The following TSPAN18 variants were observed in gnomAD, a reference collection of about 807,000 sequenced individuals.
TSPAN18 encodes tetraspanin-18.
In TSPAN18, 14 loss-of-function variants were observed where a neutral mutation model predicts 27.3. The observed-to-expected ratio is 0.51, with a 90% CI of 0.34 to 0.80. The LOEUF (loss-of-function observed/expected upper bound fraction) is 0.80. Ranked by LOEUF, TSPAN18 falls within the 30% of genes least tolerant of loss-of-function variation. The pLI, the probability that TSPAN18 is intolerant of heterozygous loss-of-function variation, is 0.01. For synonymous variants in TSPAN18, 143 were observed against 136.5 expected (o/e 1.05, Z -0.33); for missense variants, 268 against 323.9 (o/e 0.83, Z 1.32).
At chr11:44,805,187 C>CG (rs1856566079) in intron 2 of TSPAN18, among the ~76,000 whole-genome samples, 1 of 152,082 alleles carries the variant, frequency 6.6e-6, no homozygotes, top group Non-Finnish European at 1.5e-5. Flanking sequence ...TTCATAAAGA[C>CG]AAATCAATGC....
chr11:44,783,752 G>A (rs1032372323), intron 2 of TSPAN18, among the ~76,000 whole-genome samples: 2 of 152,168 alleles, frequency 1.3e-5, no homozygotes, highest in Non-Finnish European at 2.9e-5. Context: ...GACCCTGTGT[G>A]GTCCTACAAA....
At chr11:44,836,802 T>A (rs1857273444) in intron 2 of TSPAN18, among the ~76,000 whole-genome samples, 1 of 152,238 alleles carries the variant, frequency 6.6e-6, no homozygotes, top group Admixed American at 6.5e-5. Context: ...TCCACTCTGC[T>A]TGTGCTCTGT....
intron 2 of TSPAN18, among the ~76,000 whole-genome samples, chr11:44,778,797 G>A (rs543763927): frequency 2.0e-5 from 3 of 152,176 alleles, no homozygotes; most frequent in East Asian, 3.9e-4. Flanking sequence ...GGCAGTCTGT[G>A]GTTCTTAGAA....
chr11:44,728,054 T>C (rs796218385), intron 1 of TSPAN18, among the ~76,000 whole-genome samples: 9 of 152,344 alleles, frequency 5.9e-5, no homozygotes, highest in African/African-American at 2.2e-4. Flanking sequence ...GGAAGCGCGT[T>C]CTGGCTCCTG....
At chr11:44,894,681 C>T (rs900575828) in intron 3 of TSPAN18, among the ~76,000 whole-genome samples, 7 of 152,218 alleles carry the variant, frequency 4.6e-5, no homozygotes, top group African/African-American at 1.7e-4. Context: ...ATCTCTGTGC[C>T]TTTCTGGGCC....
chr11:44,810,604 C>CTTTTTTTTTTTT (rs34519569), intron 2 of TSPAN18, among the ~76,000 whole-genome samples: 2 of 138,480 alleles, frequency 1.4e-5, no homozygotes, highest in Non-Finnish European at 3.1e-5. Flanking sequence ...AATTTTTTTT[C>CTTTTTTTTTTTT]TTTTTTTTTT....
intron 1 of TSPAN18, among the ~76,000 whole-genome samples, chr11:44,741,318 A>T (rs980182446): frequency 6.6e-6 from 1 of 152,106 alleles, no homozygotes; most frequent in African/African-American, 2.4e-5. Context: ...TGGCTGCACA[A>T]TGAGCTCAAA....
At chr11:44,768,579 G>A (rs1309421332) in intron 2 of TSPAN18, among the ~76,000 whole-genome samples, 1 of 151,698 alleles carries the variant, frequency 6.6e-6, no homozygotes, top group Non-Finnish European at 1.5e-5. Flanking sequence ...TTCTCAATCT[G>A]TATGCCTTTT....
chr11:44,752,039 A>G (rs532791780), intron 1 of TSPAN18, among the ~76,000 whole-genome samples: 42 of 152,286 alleles, frequency 2.8e-4, no homozygotes, highest in Admixed American at 1.5e-3. Context: ...GTTGTTAAGT[A>G]AAATATATGA....
At chr11:44,740,506 C>T (rs1268409146) in intron 1 of TSPAN18, among the ~76,000 whole-genome samples, 1 of 152,188 alleles carries the variant, frequency 6.6e-6, no homozygotes, top group Non-Finnish European at 1.5e-5. Context: ...GACTGGGCCA[C>T]AGGTGGGAGA....
intron 4 of TSPAN18, 163 bp from the exon 5 acceptor site, chr11:44,909,542 C>A (rs1859628697): frequency 3.2e-6 from 2 of 624,536 alleles, no homozygotes; most frequent in South Asian, 2.2e-5. Flanking sequence ...ATTCAAGGTG[C>A]GGCTGGGACT....
intron 8 of TSPAN18, among the ~76,000 whole-genome samples, chr11:44,922,137 G>A (rs1284888041): frequency 9.3e-6 from 1 of 107,836 alleles, no homozygotes; most frequent in African/African-American, 6.1e-5. Context: ...TTTTTTTTGA[G>A]ACTGAGTCTC....
intron 3 of TSPAN18, among the ~76,000 whole-genome samples, chr11:44,875,421 G>T (rs1255679138): frequency 2.0e-5 from 3 of 152,220 alleles, no homozygotes; most frequent in Non-Finnish European, 4.4e-5. Context: ...GGCTTCGGAG[G>T]CTAGGGGCTG....
intron 2 of TSPAN18, among the ~76,000 whole-genome samples, chr11:44,820,007 G>T (rs1017738334): frequency 2.6e-5 from 4 of 152,124 alleles, no homozygotes; most frequent in Admixed American, 2.0e-4. Context: ...ACTAGCGCCG[G>T]CCAAGGAGGG....
rs145946417 is a variant in TSPAN18, at chr11:44,772,298, A to G, written c.-153+7786A>G. ...ATTTTTGTATACTTGCTTCCTCTAT[A>G]CAACAAAATTATTTTCAATAATAAT... On this transcript the variant is annotated intron_variant, in intron 2 of 9. Transcript: ENST00000520358. Among the ~76,000 whole-genome samples, 275 of 152,308 alleles carry G rather than the reference A, an allele frequency of 1.8e-3. 1 individual carries two copies. The highest frequency in any genetic ancestry group is 3.7e-3 in the South Asian group (18 of 4,822).
At chr11:44,833,736 G>A (rs1411004459) in intron 2 of TSPAN18, among the ~76,000 whole-genome samples, 1 of 152,036 alleles carries the variant, frequency 6.6e-6, no homozygotes, top group East Asian at 1.9e-4. Flanking sequence ...GCCGGCAACT[G>A]CAGCCTGTAT....
rs537156911 is a variant in TSPAN18 at position 44,856,041 on chromosome 11, G to A, written c.-152-4287G>A. Among the ~76,000 whole-genome samples, 8 of 151,730 alleles carry A rather than the reference G, an allele frequency of 5.3e-5. No homozygotes were observed. In the East Asian group the frequency reaches 1.4e-3, roughly 26 times the overall value. ...GGGACTACCAGTTGTGTACCACCAC[G>A]CCTGGCTAATTTTTTGTATTTTTAG... On this transcript the variant is annotated intron_variant, in intron 2 of 9. Transcript: ENST00000520358.
chr11:44,891,544 G>A (rs1421165843), intron 3 of TSPAN18, among the ~76,000 whole-genome samples: 3 of 152,220 alleles, frequency 2.0e-5, no homozygotes, highest in Non-Finnish European at 1.5e-5. Context: ...CCTTCAGGGA[G>A]GCAACCTGGA....
Position 44,919,885 on chromosome 11 carries a change from G to A in TSPAN18, c.501G>A (p.Leu167=). ...CATCTGTGTTTCGACTCCTGACCCT[G>A]GATAGTGAAGAGGTGCCGGAGGCCT... is the stretch of plus-strand genomic sequence containing the variant. ...KFASVFRLLT[L]DSEEVPEACC... Residue 167 remains leucine (L), a synonymous_variant, in exon 8 of 10, where the codon CTG becomes CTA. Coordinates refer to ENST00000520358, the MANE Select transcript of TSPAN18 (RefSeq NM_130783.5). 1 of 1,614,230 alleles carries A rather than the reference G, an allele frequency of 6.2e-7. No individual in the cohort carries two copies. Among genetic ancestry groups the A allele is most frequent in the East Asian group, 2.2e-5 (1 of 44,886 alleles).
Sources: allele counts gnomAD v4.1 joint callset (sites outside exome capture counted in the v4.1 genomes callset), GRCh38; gene constraint gnomAD v4.1.1; transcripts MANE v1.5; gene names NCBI Gene and HGNC (gene_info 2026-07-23, HGNC 2026-07-21).